CDC27: variants seen among roughly 807,000 people sequenced by gnomAD.
The protein encoded by CDC27 is cell division cycle protein 27 homolog.
Under a neutral mutation model 109.7 loss-of-function variants are expected in CDC27, and 27 were observed. The observed-to-expected ratio is 0.25, with a 90% CI of 0.18 to 0.34. The LOEUF is 0.34. Among genes scored for constraint, CDC27 ranks in the 10% least tolerant of loss-of-function variants. The pLI, the probability that CDC27 is intolerant of heterozygous loss-of-function variation, is 1.00. For synonymous variants in CDC27, 266 were observed against 333.9 expected (o/e 0.80, Z 2.22); for missense variants, 579 against 960.2 (o/e 0.60, Z 5.25).
rs1170845209 is a variant in CDC27 at position 47,120,364 on chromosome 17, A to G, written c.*571T>C. On this transcript the variant is annotated 3_prime_UTR_variant, in exon 19 of 19. Coordinates refer to ENST00000066544, the MANE Select transcript of CDC27 (RefSeq NM_001256.6). ...TATTTGATTCCTACATACGAGTCCC[A>G]ATATGCCCATTACATTTGTTTATGG... 1.3e-5 allele frequency: 2 copies of G among 152,980 alleles called. No homozygotes were observed. Among genetic ancestry groups the G allele is most frequent in the African/African-American group, 4.8e-5 (2 of 41,468 alleles). The allele number at this position is 152,980 out of a possible 1,614,324, so 9.5% of individuals were successfully genotyped here. A position where few individuals can be genotyped will look rare whatever the true frequency, so the allele number is the denominator to read the frequency against.
chr17:47,149,271 G>A (rs867029676), intron 9 of CDC27, among the ~76,000 whole-genome samples: 14 of 151,884 alleles, frequency 9.2e-5, no homozygotes, highest in African/African-American at 2.9e-4. Flanking sequence ...CCAGCACTTC[G>A]GGAGGCCAAG....
intron 10 of CDC27, among the ~76,000 whole-genome samples, chr17:47,143,457 G>A (rs1163148721): frequency 6.6e-6 from 1 of 152,010 alleles, no homozygotes; most frequent in Non-Finnish European, 1.5e-5. Flanking sequence ...TGTGTGCATA[G>A]TTCTATAAAA....
At chr17:47,153,961 C>A (rs2063222664) in intron 8 of CDC27, among the ~76,000 whole-genome samples, 1 of 151,808 alleles carries the variant, frequency 6.6e-6, no homozygotes, top group South Asian at 2.1e-4. Context: ...TGGTGGTGTA[C>A]ACCTATAGTC....
chr17:47,188,822 T>C (rs1325553022), intron 1 of CDC27: 2 of 1,235,902 alleles, frequency 1.6e-6, no homozygotes, highest in Non-Finnish European at 2.0e-6. Context: ...TTGGGGTGCA[T>C]TTTCGGCCCC....
At chr17:47,188,655 A>C in intron 1 of CDC27, 6 of 658,600 alleles carry the variant, frequency 9.1e-6, no homozygotes, top group Non-Finnish European at 1.1e-5. Flanking sequence ...TGTTACCAAA[A>C]TAGAAATTAG....
chr17:47,164,951 A>T (rs2063600600), intron 4 of CDC27, among the ~76,000 whole-genome samples: 2 of 152,202 alleles, frequency 1.3e-5, no homozygotes, highest in Admixed American at 6.5e-5. Flanking sequence ...TCAGGATATA[A>T]AACTGTTTTA....
chr17:47,176,184 G>T (rs1450865240), intron 2 of CDC27, among the ~76,000 whole-genome samples: 2 of 151,732 alleles, frequency 1.3e-5, no homozygotes, highest in East Asian at 3.8e-4. Flanking sequence ...AATGCAGGGG[G>T]TACATAAGTG....
intron 10 of CDC27, among the ~76,000 whole-genome samples, chr17:47,143,665 T>A (rs889809433): frequency 2.0e-5 from 3 of 152,102 alleles, no homozygotes; most frequent in Admixed American, 1.3e-4. Context: ...CATTTTTAAC[T>A]TGAGAAAAAA....
At chr17:47,152,917 C>G (rs1413880877) in intron 8 of CDC27, among the ~76,000 whole-genome samples, 1 of 152,136 alleles carries the variant, frequency 6.6e-6, no homozygotes, top group Non-Finnish European at 1.5e-5. Flanking sequence ...CTCTTTCTTT[C>G]CCTAGGAGAG....
chr17:47,173,296 A>G (rs931668506), intron 2 of CDC27, among the ~76,000 whole-genome samples: 4 of 152,178 alleles, frequency 2.6e-5, no homozygotes, highest in African/African-American at 9.7e-5. Context: ...AGTGTAAAAA[A>G]TAATAAATAG....
At chr17:47,184,761 G>A (rs938318494) in intron 1 of CDC27, among the ~76,000 whole-genome samples, 7 of 152,060 alleles carry the variant, frequency 4.6e-5, no homozygotes, top group South Asian at 2.1e-4. Context: ...CTCTTGTGCC[G>A]GGATTGGGGG....
At chr17:47,149,715 G>A (rs773342094) in intron 9 of CDC27, among the ~76,000 whole-genome samples, 51 of 152,108 alleles carry the variant, frequency 3.4e-4, no homozygotes, top group Non-Finnish European at 5.9e-4. Context: ...AGCACTTTGG[G>A]AGGCTGAGGC....
At chr17:47,167,297 T>A (rs977503014) in intron 4 of CDC27, among the ~76,000 whole-genome samples, 1 of 152,248 alleles carries the variant, frequency 6.6e-6, no homozygotes, top group Non-Finnish European at 1.5e-5. Context: ...TTTCTAAAAA[T>A]AAAAGAATAT....
chr17:47,146,976 C>G (rs574501428), intron 9 of CDC27, among the ~76,000 whole-genome samples: 1 of 152,188 alleles, frequency 6.6e-6, no homozygotes, highest in South Asian at 2.1e-4. Context: ...AGTGGGAGGA[C>G]TTCTTGAGCC....
intron 8 of CDC27, among the ~76,000 whole-genome samples, chr17:47,154,081 C>A (rs1288451469): frequency 6.8e-6 from 1 of 146,318 alleles, no homozygotes; most frequent in Non-Finnish European, 1.5e-5. Context: ...AGAGCGAGAC[C>A]CTGTCTCAAA....
chr17:47,178,672 T>C (rs1305593644), intron 2 of CDC27, among the ~76,000 whole-genome samples: 1 of 152,192 alleles, frequency 6.6e-6, no homozygotes, highest in Non-Finnish European at 1.5e-5. Flanking sequence ...TTTTACTGTA[T>C]TTAGTCCTTA....
chr17:47,182,320 G>A (rs1311659738), intron 1 of CDC27, among the ~76,000 whole-genome samples: 1 of 152,142 alleles, frequency 6.6e-6, no homozygotes, highest in Non-Finnish European at 1.5e-5. Context: ...ATAACCTAAA[G>A]TATATATGAG....
At chr17:47,157,923 G>T (rs2063367834) in intron 5 of CDC27, among the ~76,000 whole-genome samples, 1 of 152,048 alleles carries the variant, frequency 6.6e-6, no homozygotes, top group African/African-American at 2.4e-5. Flanking sequence ...AAGCAATTTT[G>T]CTAGTGTTAA....
chr17:47,143,677 A>T (rs556707952), intron 10 of CDC27, among the ~76,000 whole-genome samples: 25 of 152,200 alleles, frequency 1.6e-4, no homozygotes, highest in Middle Eastern at 3.4e-3. Context: ...GAGAAAAAAA[A>T]TTTTTTAATT....
Sources: allele counts gnomAD v4.1 joint callset (sites outside exome capture counted in the v4.1 genomes callset), GRCh38; gene constraint gnomAD v4.1.1; transcripts MANE v1.5; gene names NCBI Gene and HGNC (gene_info 2026-07-23, HGNC 2026-07-21).